Variants in TOMM22 observed in about 807,000 individuals in gnomAD.
The protein encoded by TOMM22 is mitochondrial import receptor subunit TOM22 homolog.
In TOMM22, 3 loss-of-function variants were observed where a neutral mutation model predicts 17.1. The observed-to-expected ratio is 0.18, with a 90% CI of 0.08 to 0.45. TOMM22 has a LOEUF of 0.45. TOMM22 is among the 20% of genes least tolerant of loss of function. TOMM22 has a pLI of 0.99. For synonymous variants in TOMM22, 91 were observed against 74.0 expected, an observed-to-expected ratio of 1.23 and a Z score of -1.18; for missense variants, 159 against 179.5, an observed-to-expected ratio of 0.89 and a Z score of 0.65.
At chr22:38,683,353 C>G (rs2092485771) in intron 3 of TOMM22, among the ~76,000 whole-genome samples, 1 of 152,176 alleles carries the variant, frequency 6.6e-6, no homozygotes, top group Non-Finnish European at 1.5e-5. Flanking sequence ...AGCTTGCAAC[C>G]TAGATCCCTC....
At chr22:38,683,130 G>GC in intron 3 of TOMM22, 134 bp downstream of exon 3, 1 of 449,692 alleles carries the variant, frequency 2.2e-6, no homozygotes, top group Non-Finnish European at 3.8e-6. Context: ...TGGGTTGGGG[G>GC]TGGCCGGGGG....
At position 38,682,414 on chromosome 22, in the gene TOMM22, C is replaced by T. The variant is rs2092481604; in HGVS notation, c.209C>T (p.Ser70Phe). ...GCGGCCGGAGCCACTTTTGATCTTT[C>T]CCTCTTTGTGGCTCAGAAAATGTAC... ...RSAAGATFDL[S>F]LFVAQKMYRF... The change falls in exon 2 of 4, where the codon TCC becomes TTC. Residue 70 changes from serine (S) to phenylalanine (F), a missense_variant. Physicochemically the swap from Ser to Phe is radical, Grantham distance 155. Coordinates refer to ENST00000216034, the MANE Select transcript of TOMM22 (RefSeq NM_020243.5). 3.1e-6 allele frequency: 5 copies of T among 1,614,174 alleles called. No homozygotes were observed. Among genetic ancestry groups the T allele is most frequent in the East Asian group, 2.2e-5 (1 of 44,884 alleles).
Position 38,684,213 on chromosome 22 carries a change from TTTTTTA to T in TOMM22, c.*373_*378del, listed in dbSNP as rs2092489019. ...CCATTAACGACTGTTTTTTTTTTTT[TTTTTTA>T]AAGAATGGAGTTGTTGGGGCAGGAC... On this transcript the variant is annotated 3_prime_UTR_variant, in exon 4 of 4. Transcript: ENST00000216034. The T allele has an allele frequency of 5.1e-6, 1 of 194,916 alleles. No individual in the cohort carries two copies. Among genetic ancestry groups the T allele is most frequent in the Admixed American group, 5.3e-5 (1 of 18,834 alleles). 12.1% of individuals were successfully genotyped at this position (194,916 alleles called of 1,614,324 possible).
At position 38,682,890 on chromosome 22, in the gene TOMM22, C is replaced by T; in HGVS notation, c.248C>T (p.Ala83Val). 1.2e-6 allele frequency: 2 copies of T among 1,613,146 alleles called. No individual in the cohort carries two copies. The highest frequency in any genetic ancestry group is 1.7e-6 in the Non-Finnish European group (2 of 1,179,930). The change falls in exon 3 of 4, where the codon GCA (alanine) becomes GTA (valine). Residue 83 changes from alanine to valine, a missense_variant. By Grantham distance (64) the Ala-to-Val change is moderately conservative (BLOSUM62 0). Transcript: ENST00000216034. ...VAQKMYRFSRAALWIGTTSFM... is the reference protein window; with the variant it reads ...VAQKMYRFSRVALWIGTTSFM... ...ATTTTCCTCTGCAGGTTTTCCAGGGCAGCCTTGTGGATTGGGACCACTTCC... is the reference window on the plus strand; with the variant it reads ...ATTTTCCTCTGCAGGTTTTCCAGGGTAGCCTTGTGGATTGGGACCACTTCC...
intron 3 of TOMM22, among the ~76,000 whole-genome samples, 176 bp downstream of exon 3, chr22:38,683,172 A>G (rs2092485235): frequency 6.6e-6 from 1 of 150,828 alleles, no homozygotes; most frequent in Non-Finnish European, 1.5e-5. Flanking sequence ...ATTCAAGTGC[A>G]TTACATTTAT....
chr22:38,683,426 G>A (rs890372693), intron 3 of TOMM22, among the ~76,000 whole-genome samples: 1 of 152,176 alleles, frequency 6.6e-6, no homozygotes, highest in Admixed American at 6.5e-5. Context: ...TGATCTGACA[G>A]GAGGTGGAGC....
At position 38,682,006 on chromosome 22, in the gene TOMM22, G is replaced by T. The variant is rs372476271; in HGVS notation, c.28G>T (p.Ala10Ser). MAAAVAAAG[A>S]GEPQSPDELL... is the part of the protein sequence containing the mutation. ...GGCTGCCGCCGTCGCTGCTGCCGGT[G>T]CAGGGGAACCCCAGTCCCCGGACGA... The change falls in exon 1 of 4, where the codon GCA becomes TCA. Residue 10 changes from alanine to serine, a missense_variant. Physicochemically the swap from Ala to Ser is moderately conservative, Grantham distance 99. Around this residue, in one of 3 missense-constraint regions of TOMM22, gnomAD observed 107 missense variants for 100.2 expected, o/e 1.07. Transcript: ENST00000216034. The T allele has an allele frequency of 6.2e-7, 1 of 1,611,726 alleles. No homozygotes were observed. The highest frequency in any genetic ancestry group is 1.3e-5 in the African/African-American group (1 of 74,916).
intron 1 of TOMM22, 87 bp from the exon 2 acceptor site, chr22:38,682,236 A>C (rs62230027): frequency 0.032 from 49,245 of 1,527,476 alleles, 2,006 homozygotes; most frequent in African/African-American, 0.18. Flanking sequence ...CCCTAGCTCC[A>C]GTGGGGCTCG....
intron 1 of TOMM22, 39 bp from the exon 2 acceptor site, chr22:38,682,284 T>G (rs745885334): frequency 1.9e-6 from 3 of 1,601,398 alleles, no homozygotes; most frequent in Non-Finnish European, 2.6e-6. Flanking sequence ...GGAATGGATG[T>G]CGCTTTTTCG....
Position 38,682,917 on chromosome 22 carries a change from T to G in TOMM22, c.275T>G (p.Phe92Cys). Residue 92 changes from phenylalanine (F) to cysteine (C), a missense_variant, in exon 3 of 4, where the codon TTT (phenylalanine) becomes TGT (cysteine). This residue lies in a region of TOMM22 where 19 missense variants were observed against 44.6 expected (regional missense o/e 0.43). Transcript: ENST00000216034. The part of the protein sequence containing the change: ...RAALWIGTTS[F>C]MILVLPVVFE... ...GCCTTGTGGATTGGGACCACTTCCT[T>G]TATGATCCTGGTTCTTCCCGTTGTC... 1 of 1,613,706 alleles carries G rather than the reference T, an allele frequency of 6.2e-7. No individual in the cohort carries two copies. Among genetic ancestry groups the G allele is most frequent in the Non-Finnish European group, 8.5e-7 (1 of 1,179,916 alleles).
Position 38,683,142 on chromosome 22 carries a change from CGGGGGGGG to C in TOMM22, c.354+149_354+156del. The C allele has an allele frequency of 5.1e-5, 2 of 39,038 alleles. 1 individual carries two copies. Among genetic ancestry groups the C allele is most frequent in the Non-Finnish European group, 1.0e-4 (2 of 19,082 alleles). The allele number at this position is 39,038 out of a possible 1,614,324, so 2.4% of individuals were successfully genotyped here. On this transcript the variant is annotated intron_variant, in intron 3 of 3. Coordinates refer to ENST00000216034, the MANE Select transcript of TOMM22 (RefSeq NM_020243.5). ...TGGTGGGTTGGGGGTGGCCGGGGGT[CGGGGGGGG>C]GGTTCTGGATGATTCAAGTGCATTA...
intron 1 of TOMM22, 108 bp from the exon 2 acceptor site, chr22:38,682,215 G>C: frequency 6.7e-7 from 1 of 1,488,364 alleles, no homozygotes; most frequent in Non-Finnish European, 9.2e-7. Context: ...GGCCCTGCTG[G>C]GCCCTGGGTG....
At chr22:38,683,150 G>GT (rs1555985186) in intron 3 of TOMM22, among the ~76,000 whole-genome samples, 154 bp downstream of exon 3, 14 of 137,042 alleles carry the variant, frequency 1.0e-4, no homozygotes, top group African/African-American at 2.6e-4. Context: ...GTCGGGGGGG[G>GT]GGTTCTGGAT....
chr22:38,682,714 T>C (rs1308718128), intron 2 of TOMM22, among the ~76,000 whole-genome samples, 165 bp from the exon 3 acceptor site: 1 of 152,030 alleles, frequency 6.6e-6, no homozygotes. Context: ...ACAGCTACCA[T>C]AGCTGCTCCT....
rs1023905263 is a variant in TOMM22 at position 38,684,851 on chromosome 22, G to A, written c.*1010G>A. ...TGAGATCAGGTCTCACTGGAGTACAGTGGTGTCGTTTGGGTTCACTGCAAC... is the reference window on the plus strand; with the variant it reads ...TGAGATCAGGTCTCACTGGAGTACAATGGTGTCGTTTGGGTTCACTGCAAC... On this transcript the variant is annotated 3_prime_UTR_variant, in exon 4 of 4. Coordinates refer to ENST00000216034, the MANE Select transcript of TOMM22 (RefSeq NM_020243.5). 6.7e-6 allele frequency: 1 copy of A among 148,292 alleles called. No homozygotes were observed. Among genetic ancestry groups the A allele is most frequent in the African/African-American group, 2.5e-5 (1 of 39,998 alleles). The allele number at this position is 148,292 out of a possible 1,614,324, so 9.2% of individuals were successfully genotyped here.
At chr22:38,682,590 G>A in intron 2 of TOMM22, 149 bp downstream of exon 2, 1 of 730,674 alleles carries the variant, frequency 1.4e-6, no homozygotes, top group Non-Finnish European at 2.3e-6. Context: ...GTAAAATGGG[G>A]ATTCTTACCT....
intron 2 of TOMM22, 45 bp from the exon 3 acceptor site, chr22:38,682,834 G>C (rs1158779801): frequency 1.3e-6 from 2 of 1,564,466 alleles, no homozygotes; most frequent in Middle Eastern, 2.2e-4. Flanking sequence ...TGCCTGTTTT[G>C]TTTGCATGTC....
At position 38,683,826 on chromosome 22, in the gene TOMM22, TC is replaced by T; in HGVS notation, c.416del (p.Pro139LeufsTer35). On this transcript the variant is annotated frameshift_variant, in exon 4 of 4. Coordinates refer to ENST00000216034, the MANE Select transcript of TOMM22 (RefSeq NM_020243.5). LOFTEE classifies it high-confidence loss of function. ...GGMPGALPSL[P>X]GKI ...GAATGCCAGGGGCTCTACCCTCACT[TC>T]CTGGAAAGATCTAGATTGTTATTGC... The T allele has an allele frequency of 6.2e-7, 1 of 1,613,956 alleles. No individual in the cohort carries two copies. Among genetic ancestry groups the T allele is most frequent in the Non-Finnish European group, 8.5e-7 (1 of 1,179,936 alleles).
chr22:38,684,186 G>C lies in TOMM22; in HGVS notation c.*345G>C. The C allele has an allele frequency of 4.2e-6, 1 of 240,910 alleles. No homozygotes were observed. Among genetic ancestry groups the C allele is most frequent in the Non-Finnish European group, 8.1e-6 (1 of 124,084 alleles). The allele number at this position is 240,910 out of a possible 1,614,324, so 14.9% of individuals were successfully genotyped here. On this transcript the variant is annotated 3_prime_UTR_variant, in exon 4 of 4. Transcript: ENST00000216034. ...ATGCCAGTGGGAGGGATGTGCCCCT[G>C]ACCATTAACGACTGTTTTTTTTTTT...
Sources: gnomAD v4.1 joint callset for allele counts (sites outside exome capture counted in the v4.1 genomes callset) on GRCh38, gnomAD v4.1.1 for gene constraint, gnomAD v4.1.1 regional missense constraint, MANE v1.5 for transcripts, NCBI Gene and HGNC (gene_info 2026-07-23, HGNC 2026-07-21) for gene names.